The following SCN8A variants were observed in gnomAD, a reference collection of about 807,000 sequenced individuals.
SCN8A encodes sodium channel protein type 8 subunit alpha.
SCN8A carries 30 observed loss-of-function variants against 184.1 expected under a neutral mutation model. The ratio of observed to expected loss-of-function variants is 0.16; its 90% CI spans 0.12 to 0.22. SCN8A has a LOEUF of 0.22. Ranked by LOEUF, SCN8A falls within the 10% of genes least tolerant of loss-of-function variation. The pLI is 1.00. For synonymous variants in SCN8A, 852 were observed against 907.0 expected, an observed-to-expected ratio of 0.94 and a Z score of 1.09; for missense variants, 1,057 against 2,498.9, an observed-to-expected ratio of 0.42 and a Z score of 12.30.
chr12:51,681,427 GT>G (rs1426835583), intron 2 of SCN8A, among the ~76,000 whole-genome samples: 2 of 152,170 alleles, frequency 1.3e-5, no homozygotes. Context: ...GAATGAGGAG[GT>G]TATTTAAAAG....
chr12:51,710,764 T>C (rs1247277065), intron 11 of SCN8A, among the ~76,000 whole-genome samples: 2 of 152,246 alleles, frequency 1.3e-5, no homozygotes, highest in African/African-American at 4.8e-5. Flanking sequence ...TATCTTCCTT[T>C]CAAGAAACCT....
rs1248023050 is a variant in SCN8A at position 51,806,808 on chromosome 12, G to A, written c.5322G>A (p.Glu1774=). The A allele has an allele frequency of 6.2e-7, 1 of 1,614,214 alleles. No individual in the cohort carries two copies. Among genetic ancestry groups the A allele is most frequent in the South Asian group, 1.1e-5 (1 of 91,084 alleles). The change falls in exon 27 of 27, where the codon GAG becomes GAA. Residue 1774 remains glutamate (E), a synonymous_variant. Transcript: ENST00000627620. This position sits in a 1 kb window ranked among gnomAD's most constrained non-coding sequence, Gnocchi z 8.7. ...TGGAGAACTTCAGTGTAGCCACAGA[G>A]GAAAGTGCAGACCCTCTGAGTGAGG... ...IILENFSVAT[E]ESADPLSEDD...
At position 51,807,276 on chromosome 12, in the gene SCN8A, A is replaced by G; in HGVS notation, c.5790A>G (p.Thr1930=). 6.2e-7 allele frequency: 1 copy of G among 1,613,986 alleles called. No individual in the cohort carries two copies. Among genetic ancestry groups the G allele is most frequent in the Non-Finnish European group, 8.5e-7 (1 of 1,179,888 alleles). The change falls in exon 27 of 27, where the codon ACA becomes ACG. Residue 1930 remains threonine, a synonymous_variant. Coordinates refer to ENST00000627620, the MANE Select transcript of SCN8A (RefSeq NM_001330260.2). This position sits in a 1 kb window ranked among gnomAD's most constrained non-coding sequence, Gnocchi z 4.5. ...CTAATAAGCTGGAGAATGGAGGCAC[A>G]CACCGGGAGAAAAAAGAGAGCACCC... ...TTSNKLENGG[T]HREKKESTPS...
At position 51,712,505 on chromosome 12, in the gene SCN8A, G is replaced by C. The variant is rs1388286767; in HGVS notation, c.1635+5790G>C. 1.2e-5 allele frequency: 9 copies of C among 771,506 alleles called. No homozygotes were observed. In the East Asian group the frequency reaches 2.2e-4, roughly 19 times the overall value. The allele number at this position is 771,506 out of a possible 1,614,324, so 47.8% of individuals were successfully genotyped here. On this transcript the variant is annotated intron_variant, in intron 11 of 26. Coordinates refer to ENST00000627620, the MANE Select transcript of SCN8A (RefSeq NM_001330260.2). ...ATATCCACCACTTCCACCACTAGAT[G>C]CATAACCACCACCATAGGGACTGCC...
intron 1 of SCN8A, among the ~76,000 whole-genome samples, chr12:51,649,661 G>T (rs1019671480): frequency 1.3e-5 from 2 of 152,136 alleles, no homozygotes; most frequent in Non-Finnish European, 2.9e-5. Flanking sequence ...CAGCTGGGAC[G>T]CAGGGCACCA....
At chr12:51,789,604 G>T (rs1295375177) in intron 24 of SCN8A, among the ~76,000 whole-genome samples, 186 bp downstream of exon 24, 1 of 152,178 alleles carries the variant, frequency 6.6e-6, no homozygotes. Context: ...GGATTTTGCA[G>T]CATGTAGTTT....
intron 1 of SCN8A, among the ~76,000 whole-genome samples, chr12:51,640,228 T>G (rs1415819184): frequency 2.5e-5 from 3 of 119,944 alleles, no homozygotes; most frequent in East Asian, 2.3e-4. Context: ...TTTTTTTTTT[T>G]TTTTTTTTTT....
chr12:51,612,715 A>T (rs1236072497), intron 1 of SCN8A, among the ~76,000 whole-genome samples: 2 of 151,906 alleles, frequency 1.3e-5, no homozygotes, highest in Admixed American at 1.3e-4. Context: ...ATATTGTTGG[A>T]TATGATTTGC....
At chr12:51,682,717 A>G (rs537377425) in intron 2 of SCN8A, among the ~76,000 whole-genome samples, 3 of 152,234 alleles carry the variant, frequency 2.0e-5, no homozygotes, top group African/African-American at 4.8e-5. Flanking sequence ...TTATTTGGCC[A>G]TTTGCTCTTT....
In SCN8A at chr12:51,790,469, A is replaced by G; in HGVS notation, c.4491A>G (p.Ser1497=). The G allele has an allele frequency of 6.2e-7, 1 of 1,611,264 alleles. No individual in the cohort carries two copies. The highest frequency in any genetic ancestry group is 8.5e-7 in the Non-Finnish European group (1 of 1,178,650). The change falls in exon 25 of 27, where the codon TCA becomes TCG. Residue 1497 remains serine, a synonymous_variant. Transcript: ENST00000627620. ...ACAATGCCATGAAAAAGCTGGGCTC[A>G]AAGAAGCCACAGAAACCTATTCCCC... ...KYYNAMKKLG[S]KKPQKPIPRP...
At chr12:51,690,549 A>G (rs1274131687) in intron 6 of SCN8A, among the ~76,000 whole-genome samples, 2 of 152,090 alleles carry the variant, frequency 1.3e-5, no homozygotes, top group Admixed American at 1.3e-4. Context: ...TTGTAGAGAC[A>G]GGGTCTCCCT....
intron 1 of SCN8A, among the ~76,000 whole-genome samples, chr12:51,620,793 G>C (rs1347584848): frequency 6.6e-6 from 1 of 151,534 alleles, no homozygotes; most frequent in Non-Finnish European, 1.5e-5. Flanking sequence ...TTTGAGACCA[G>C]TCTGGGCAAC....
rs1343879999 is a variant in SCN8A, at chr12:51,794,502, C to T, written c.4656C>T (p.Asn1552=). The T allele has an allele frequency of 3.7e-6, 6 of 1,614,032 alleles. No homozygotes were observed. In the Admixed American group the frequency reaches 5.0e-5, roughly 13 times the overall value. ...ETDTQSKQME[N]ILYWINLVFV... is the part of the protein sequence containing the mutation. ...ACACTCAAAGCAAGCAGATGGAGAA[C>T]ATCCTCTACTGGATTAACCTGGTGT... The change falls in exon 26 of 27, where the codon AAC becomes AAT. Residue 1552 remains asparagine, a synonymous_variant. Coordinates refer to ENST00000627620, the MANE Select transcript of SCN8A (RefSeq NM_001330260.2).
intron 1 of SCN8A, among the ~76,000 whole-genome samples, chr12:51,640,064 C>T (rs1565869646): frequency 6.8e-6 from 1 of 146,372 alleles, no homozygotes; most frequent in African/African-American, 2.5e-5. Context: ...CCACCACACT[C>T]TGCTAATTTT....
rs138863728 is a variant in SCN8A, at chr12:51,809,104, T to C, written c.*1675T>C. The C allele has an allele frequency of 4.6e-5, 7 of 152,318 alleles. No homozygotes were observed. The highest frequency in any genetic ancestry group is 1.4e-4 in the African/African-American group (6 of 41,574). The allele number at this position is 152,318 out of a possible 1,614,324, so 9.4% of individuals were successfully genotyped here. A position where few individuals can be genotyped will look rare whatever the true frequency, so the allele number is the denominator to read the frequency against. ...CTTGCAGCCAGTTTTGCTATCTGCT[T>C]AGCGACCTGCCCATTGTCATTGAAG... On this transcript the variant is annotated 3_prime_UTR_variant, in exon 27 of 27. Transcript: ENST00000627620.
At chr12:51,690,560 A>C (rs1027200117) in intron 6 of SCN8A, among the ~76,000 whole-genome samples, 3 of 151,672 alleles carry the variant, frequency 2.0e-5, no homozygotes, top group African/African-American at 7.3e-5. Flanking sequence ...GGGTCTCCCT[A>C]TGTGTTGCCC....
chr12:51,644,642 C>G (rs941311814), intron 1 of SCN8A, among the ~76,000 whole-genome samples: 2 of 152,210 alleles, frequency 1.3e-5, no homozygotes, highest in Non-Finnish European at 2.9e-5. Context: ...ATTGCAGCCT[C>G]TGCCCGGCCG....
At chr12:51,646,011 A>T (rs1317625319) in intron 1 of SCN8A, among the ~76,000 whole-genome samples, 3 of 644 alleles carry the variant, frequency 4.7e-3, no homozygotes, top group Non-Finnish European at 0.033. Context: ...GATAAAAGTA[A>T]AAAAAAAAAA....
chr12:51,680,956 A>G (rs1464558809), intron 2 of SCN8A, among the ~76,000 whole-genome samples: 1 of 152,100 alleles, frequency 6.6e-6, no homozygotes, highest in African/African-American at 2.4e-5. Context: ...GTGAGCCGAG[A>G]TTGCGCCATT....
Sources: allele counts gnomAD v4.1 joint callset (sites outside exome capture counted in the v4.1 genomes callset), GRCh38; gene constraint gnomAD v4.1.1; non-coding constraint Gnocchi (gnomAD v3.1); transcripts MANE v1.5; gene names NCBI Gene and HGNC (gene_info 2026-07-23, HGNC 2026-07-21).